Variants in CNPY4 observed in about 807,000 individuals in gnomAD.
CNPY4 encodes the protein canopy FGF signaling regulator 4.
A neutral mutation model predicts 30.1 loss-of-function variants in CNPY4; 33 were observed. The observed-to-expected ratio is 1.10, with a 90% confidence interval of 0.83 to 1.46. The LOEUF (loss-of-function observed/expected upper bound fraction) is 1.46, where lower values mean the gene tolerates loss of function less well. Ranked by LOEUF, CNPY4 falls within the 40% of genes most tolerant of loss-of-function variation. The pLI, the probability that CNPY4 is intolerant of heterozygous loss-of-function variation, is 0.00. For missense variants in CNPY4, 324 were observed against 302.6 expected, an observed-to-expected ratio of 1.07 and a Z score of -0.52; for synonymous variants, 109 against 110.1, an observed-to-expected ratio of 0.99 and a Z score of 0.06.
At position 100,124,732 on chromosome 7, in the gene CNPY4, A is replaced by G. The variant is rs1798167989; in HGVS notation, c.591A>G (p.Leu197=). 2.5e-6 allele frequency: 4 copies of G among 1,613,804 alleles called. No homozygotes were observed. The highest frequency in any genetic ancestry group is 2.2e-5 in the East Asian group (1 of 44,894). Residue 197 remains leucine, a synonymous_variant, in exon 6 of 6, where the codon CTA becomes CTG. Transcript: ENST00000262932. ...HVLPAAETAC[L]QETWTGKEIT... is the part of the protein sequence containing the mutation. ...TTCTGTCATCCGATCTAGCATGTCT[A>G]CAGGAAACTTGGACTGGAAAGGAGA...
intron 3 of CNPY4, 50 bp from the exon 4 acceptor site, chr7:100,122,734 G>A (rs1412883661): frequency 6.3e-7 from 1 of 1,584,808 alleles, no homozygotes; most frequent in Non-Finnish European, 8.6e-7. Flanking sequence ...AAAGGGGAAG[G>A]GAGGGGTGGG....
At chr7:100,122,214 G>GT (rs779928960) in intron 1 of CNPY4, 45 bp from the exon 2 acceptor site, 2 of 1,610,498 alleles carry the variant, frequency 1.2e-6, no homozygotes, top group East Asian at 2.2e-5. Context: ...AATGGCTGGT[G>GT]TGTTTGTCTT....
Position 100,124,807 on chromosome 7 carries a change from G to C in CNPY4, c.666G>C (p.Glu222Asp). ...KTEGEEEQEE[E>D]EEEEEEEGGD... ...AAGGGGAGGAAGAGCAGGAGGAGGAGGAGGAAGAGGAGGAAGAGGAAGGGG... is the reference window on the plus strand; with the variant it reads ...AAGGGGAGGAAGAGCAGGAGGAGGACGAGGAAGAGGAGGAAGAGGAAGGGG... Residue 222 changes from glutamate (E) to aspartate (D), a missense_variant, in exon 6 of 6, where the codon GAG becomes GAC. Glu to Asp is a conservative substitution (Grantham distance 45). Coordinates refer to ENST00000262932, the MANE Select transcript of CNPY4 (RefSeq NM_152755.2). 6.2e-7 allele frequency: 1 copy of C among 1,609,878 alleles called. No homozygotes were observed. Among genetic ancestry groups the C allele is most frequent in the Non-Finnish European group, 8.5e-7 (1 of 1,179,220 alleles).
chr7:100,119,873 G>C lies in CNPY4; in HGVS notation c.118+11G>C, dbSNP rs764201928. On this transcript the variant is annotated intron_variant, in intron 1 of 5. Transcript: ENST00000262932. ...CCAGCAAATGCGAAGGTATTTGAAG[G>C]GGGTAGCCCCTATAGGCATCGCCCG... 6.2e-6 allele frequency: 10 copies of C among 1,607,196 alleles called. No individual in the cohort carries two copies. In the East Asian group the frequency reaches 8.9e-5, roughly 14 times the overall value.
intron 4 of CNPY4, 144 bp downstream of exon 4, chr7:100,123,050 G>T (rs1798115952): frequency 4.4e-6 from 4 of 919,222 alleles, no homozygotes; most frequent in African/African-American, 3.3e-5. Context: ...ATTAAAGTGG[G>T]TCCAGGAGCG....
At position 100,122,789 on chromosome 7, in the gene CNPY4, G is replaced by A; in HGVS notation, c.348G>A (p.Gln116=). 6.2e-7 allele frequency: 1 copy of A among 1,613,664 alleles called. No homozygotes were observed. The highest frequency in any genetic ancestry group is 2.2e-5 in the East Asian group (1 of 44,878). ...RKGSLRYAKG[Q]SQTMATLKGL... is the part of the protein sequence containing the mutation. The stretch of plus-strand genomic sequence containing the variant: ...CCAAATTCTTAATCTCTCAGGGTCA[G>A]AGTCAGACCATGGCAACACTGAAAG... The change falls in exon 4 of 6, where the codon CAG becomes CAA. Residue 116 remains glutamine (Q), a synonymous_variant. Coordinates refer to ENST00000262932, the MANE Select transcript of CNPY4 (RefSeq NM_152755.2).
Position 100,121,966 on chromosome 7 carries a change from C to T in CNPY4, c.119-293C>T, listed in dbSNP as rs188854392. On this transcript the variant is annotated intron_variant, in intron 1 of 5. Coordinates refer to ENST00000262932, the MANE Select transcript of CNPY4 (RefSeq NM_152755.2). ...TCGGGAGACTGAGGCAGGAGAATGG[C>T]GTGAACCCAGGAGGCGGAGCTGGCA... 85 of 303,518 alleles carry T rather than the reference C, an allele frequency of 2.8e-4. 2 individuals are homozygous for T. The highest frequency in any genetic ancestry group is 4.4e-4 in the South Asian group (15 of 34,174). The allele number at this position is 303,518 out of a possible 1,614,324, so 18.8% of individuals were successfully genotyped here. A position where few individuals can be genotyped will look rare whatever the true frequency, so the allele number is the denominator to read the frequency against.
chr7:100,120,084 AC>A (rs202216160), intron 1 of CNPY4: 5 of 422,640 alleles, frequency 1.2e-5, no homozygotes, highest in East Asian at 4.1e-5. Flanking sequence ...CTGGCTTGGA[AC>A]CCCCCGCCCG....
chr7:100,119,949 C>T (rs1797981055), intron 1 of CNPY4, 87 bp downstream of exon 1: 2 of 1,223,772 alleles, frequency 1.6e-6, no homozygotes, highest in South Asian at 3.1e-5. Flanking sequence ...TTGGGTGGGT[C>T]ACCCGACCTC....
intron 1 of CNPY4, chr7:100,122,050 A>G (rs76152850): frequency 8.3e-3 from 952 of 114,358 alleles, no homozygotes; most frequent in Middle Eastern, 0.025. Flanking sequence ...AGTCCGTCTG[A>G]AAAAAAAAAA....
chr7:100,122,365 A>T lies in CNPY4; in HGVS notation c.225A>T (p.Arg75Ser). 1.2e-6 allele frequency: 2 copies of T among 1,614,032 alleles called. No homozygotes were observed. The highest frequency in any genetic ancestry group is 1.7e-6 in the Non-Finnish European group (2 of 1,180,012). ...TGCTGGATACAGGCAAGAGGAAGAGACACGTGCCTTACAGCGTTTCGTGAG... is the reference window on the plus strand; with the variant it reads ...TGCTGGATACAGGCAAGAGGAAGAGTCACGTGCCTTACAGCGTTTCGTGAG... ...GQVLDTGKRKRHVPYSVSETR... is the reference protein window; with the variant it reads ...GQVLDTGKRKSHVPYSVSETR... The change falls in exon 2 of 6, where the codon AGA (arginine) becomes AGT (serine). Residue 75 changes from arginine (R) to serine (S), a missense_variant. By Grantham distance (110) the Arg-to-Ser change is moderately radical. Coordinates refer to ENST00000262932, the MANE Select transcript of CNPY4 (RefSeq NM_152755.2).
chr7:100,120,659 T>G (rs1296948827), intron 1 of CNPY4, among the ~76,000 whole-genome samples: 1 of 152,216 alleles, frequency 6.6e-6, no homozygotes, highest in Non-Finnish European at 1.5e-5. Context: ...TCCCCTGACC[T>G]GTCAATCTTT....
intron 4 of CNPY4, 159 bp from the exon 5 acceptor site, chr7:100,124,355 T>C (rs1464345207): frequency 9.9e-6 from 6 of 603,594 alleles, no homozygotes; most frequent in Non-Finnish European, 1.8e-5. Flanking sequence ...TGCTGGTAAA[T>C]GTTTGTTGAA....
intron 4 of CNPY4, among the ~76,000 whole-genome samples, chr7:100,124,109 C>T (rs1489559364): frequency 1.3e-5 from 2 of 151,446 alleles, no homozygotes. Context: ...TGCAGTCCAG[C>T]CTGGGTGACA....
At position 100,124,833 on chromosome 7, in the gene CNPY4, G is replaced by A. The variant is rs765811398; in HGVS notation, c.692G>A (p.Gly231Glu). Residue 231 changes from glycine (G) to glutamate (E), a missense_variant, in exon 6 of 6, where the codon GGA (glycine) becomes GAA (glutamate). Gly to Glu is a moderately conservative substitution (Grantham distance 98). Coordinates refer to ENST00000262932, the MANE Select transcript of CNPY4 (RefSeq NM_152755.2). The stretch of plus-strand genomic sequence containing the variant: ...GAGGAAGAGGAGGAAGAGGAAGGGG[G>A]AGACAAGATGACCAAGACAGGAAGC... ...EEEEEEEEEG[G>E]DKMTKTGSHP... is the part of the protein sequence containing the mutation. The A allele has an allele frequency of 2.5e-5, 40 of 1,610,766 alleles. No homozygotes were observed. The South Asian group carries it at 4.2e-4, about 17-fold the overall frequency.
rs1442048412 is a variant in CNPY4, at chr7:100,119,843, C to T, written c.99C>T (p.Arg33=). 4 of 1,612,332 alleles carry T rather than the reference C, an allele frequency of 2.5e-6. No homozygotes were observed. The highest frequency in any genetic ancestry group is 3.4e-6 in the Non-Finnish European group (4 of 1,179,520). ...AGGAGGAGGACGATGACACAGAACGCTTGCCCAGCAAATGCGAAGGTATTT... is the reference window on the plus strand; with the variant it reads ...AGGAGGAGGACGATGACACAGAACGTTTGCCCAGCAAATGCGAAGGTATTT... ...MLKEEDDDTE[R]LPSKCEVCKL... The change falls in exon 1 of 6, where the codon CGC becomes CGT. Residue 33 remains arginine (R), a synonymous_variant. Transcript: ENST00000262932.
intron 4 of CNPY4, 76 bp downstream of exon 4, chr7:100,122,982 A>C: frequency 6.8e-7 from 1 of 1,476,462 alleles, no homozygotes; most frequent in Admixed American, 2.1e-5. Flanking sequence ...GGGTTTGACT[A>C]TAGGGGATGT....
rs1798175201 is a variant in CNPY4 at position 100,124,960 on chromosome 7, C to G, written c.*72C>G. 1.3e-6 allele frequency: 2 copies of G among 1,500,542 alleles called. No homozygotes were observed. Among genetic ancestry groups the G allele is most frequent in the African/African-American group, 2.8e-5 (2 of 71,296 alleles). The allele number at this position is 1,500,542 out of a possible 1,614,324, so 93.0% of individuals were successfully genotyped here. On this transcript the variant is annotated 3_prime_UTR_variant, in exon 6 of 6. Coordinates refer to ENST00000262932, the MANE Select transcript of CNPY4 (RefSeq NM_152755.2). ...TCTAAAGCCTGCACTCTCCCTGCTC[C>G]ACAGCTTTCAGGGTGTGTTTATGAG...
rs780676444 is a variant in CNPY4, at chr7:100,119,899, G to C, written c.118+37G>C. 4 of 1,546,602 alleles carry C rather than the reference G, an allele frequency of 2.6e-6. 1 individual carries two copies. The South Asian group carries it at 4.7e-5, about 18-fold the overall frequency. ...GGGTAGCCCCTATAGGCATCGCCCG[G>C]CCACACCTCCTTCTTCTAGGCCGGA... is the stretch of plus-strand genomic sequence containing the variant. On this transcript the variant is annotated intron_variant, in intron 1 of 5. Transcript: ENST00000262932.
Sources: allele counts gnomAD v4.1 joint callset (sites outside exome capture counted in the v4.1 genomes callset), GRCh38; gene constraint gnomAD v4.1.1; transcripts MANE v1.5; gene names NCBI Gene and HGNC (gene_info 2026-07-23, HGNC 2026-07-21).